The following DISC1 variants were observed in gnomAD, a reference collection of about 807,000 sequenced individuals.
DISC1 encodes DISC1 scaffold protein.
DISC1 carries 57 observed loss-of-function variants against 84.5 expected under a neutral mutation model. That is an observed-to-expected ratio of 0.67 (90% CI 0.55 to 0.84). The LOEUF is 0.84. Ranked by LOEUF, DISC1 falls within the 40% of genes least tolerant of loss-of-function variation. The pLI is 0.00. For missense variants in DISC1, 1,000 were observed against 1,057.8 expected (o/e 0.95, Z 0.76); for synonymous variants, 411 against 415.2 (o/e 0.99, Z 0.12).
At chr1:231,748,327 A>G (rs1573491093) in intron 3 of DISC1, among the ~76,000 whole-genome samples, 1 of 152,328 alleles carries the variant, frequency 6.6e-6, no homozygotes, top group East Asian at 1.9e-4. Context: ...TTATTAGAGG[A>G]AAAGCTTTCA....
intron 1 of DISC1, among the ~76,000 whole-genome samples, chr1:231,645,000 A>C (rs1009051880): frequency 3.3e-5 from 5 of 151,906 alleles, no homozygotes; most frequent in Admixed American, 1.3e-4. Context: ...ATTTTCAGCC[A>C]CCAGCCTCTT....
rs997217863 is a variant in DISC1 at position 231,833,378 on chromosome 1, G to A, written c.1981+14861G>A. 7.9e-5 allele frequency among the ~76,000 whole-genome samples: 12 copies of A among 151,630 alleles called. 1 individual carries two copies. The highest frequency in any genetic ancestry group is 2.6e-4 in the Admixed American group (4 of 15,282). On this transcript the variant is annotated intron_variant, in intron 9 of 12. Coordinates refer to ENST00000439617, the MANE Select transcript of DISC1 (RefSeq NM_018662.3). ...GGGTAGCCTCCATATTGATTAAGAA[G>A]GGGAAGGACTTACCCTCCACTGTGA...
chr1:231,673,290 T>A (rs943473532), intron 1 of DISC1, among the ~76,000 whole-genome samples: 2 of 152,230 alleles, frequency 1.3e-5, no homozygotes, highest in African/African-American at 4.8e-5. Flanking sequence ...TCACTCAGCA[T>A]CCTTTCCTTG....
chr1:231,889,748 T>C (rs1438528740), intron 9 of DISC1, among the ~76,000 whole-genome samples: 1 of 152,160 alleles, frequency 6.6e-6, no homozygotes, highest in Non-Finnish European at 1.5e-5. Context: ...CCCTCTTTTT[T>C]TTTCATCTTC....
intron 1 of DISC1, among the ~76,000 whole-genome samples, chr1:231,637,468 T>C (rs370213726): frequency 1.1e-4 from 16 of 152,230 alleles, no homozygotes; most frequent in African/African-American, 3.6e-4. Context: ...ATTGTACCCA[T>C]TGAGTAATTT....
At chr1:231,647,969 T>C (rs1336524705) in intron 1 of DISC1, among the ~76,000 whole-genome samples, 3 of 152,214 alleles carry the variant, frequency 2.0e-5, no homozygotes, top group African/African-American at 4.8e-5. Context: ...GCTGAGATGA[T>C]GGGGTTTTCT....
rs1293015928 is a variant in DISC1 at position 231,686,468 on chromosome 1, G to T, written c.68-7358G>T. 2.0e-5 allele frequency among the ~76,000 whole-genome samples: 3 copies of T among 152,176 alleles called. No individual in the cohort carries two copies. In the East Asian group the frequency reaches 5.8e-4, roughly 29 times the overall value. On this transcript the variant is annotated intron_variant, in intron 1 of 12. Transcript: ENST00000439617. ...AGGGCTTGGACCCTCTGAAGCCACGGCCCGAGCTCTATGTTGGCCCCTTTC... is the reference window on the plus strand; with the variant it reads ...AGGGCTTGGACCCTCTGAAGCCACGTCCCGAGCTCTATGTTGGCCCCTTTC...
At chr1:231,827,637 AAG>A (rs751594770) in intron 9 of DISC1, among the ~76,000 whole-genome samples, 4 of 152,172 alleles carry the variant, frequency 2.6e-5, no homozygotes, top group Non-Finnish European at 5.9e-5. Context: ...GCTCTTATAA[AAG>A]AGAGAGAGCA....
chr1:232,026,852 G>A (rs186458905), intron 12 of DISC1, among the ~76,000 whole-genome samples: 457 of 145,284 alleles, frequency 3.1e-3, no homozygotes, highest in Non-Finnish European at 4.3e-3. Context: ...GGGTTCAAAC[G>A]GTTCTCCTGC....
At chr1:231,632,806 C>T (rs1372124820) in intron 1 of DISC1, among the ~76,000 whole-genome samples, 2 of 152,144 alleles carry the variant, frequency 1.3e-5, no homozygotes, top group Non-Finnish European at 1.5e-5. Context: ...CGCAGTGGCT[C>T]ATGCCTGTAA....
At chr1:231,888,013 G>A (rs1300545894) in intron 9 of DISC1, among the ~76,000 whole-genome samples, 2 of 152,340 alleles carry the variant, frequency 1.3e-5, no homozygotes, top group East Asian at 1.9e-4. Flanking sequence ...AGTTCCAGAA[G>A]AATGCCCACA....
chr1:231,977,757 C>T (rs535521911), intron 10 of DISC1, among the ~76,000 whole-genome samples: 1 of 152,250 alleles, frequency 6.6e-6, no homozygotes, highest in South Asian at 2.1e-4. Flanking sequence ...TTTATTTAAT[C>T]CATAAATATG....
chr1:232,009,479 A>G lies in DISC1; in HGVS notation c.2307+430A>G. ...ATGTTTATATATTTAGAATCTATAT[A>G]TTACAATATATTATTATTTATTTGA... On this transcript the variant is annotated intron_variant, in intron 11 of 12. Transcript: ENST00000439617. This position sits in a 1 kb window ranked among gnomAD's most constrained non-coding sequence, Gnocchi z 4.6. 1 of 630,616 alleles carries G rather than the reference A, an allele frequency of 1.6e-6. No homozygotes were observed. Among genetic ancestry groups the G allele is most frequent in the Non-Finnish European group, 2.0e-6 (1 of 507,306 alleles). 39.1% of individuals were successfully genotyped at this position (630,616 alleles called of 1,614,324 possible).
chr1:231,773,675 C>T (rs771028877), intron 6 of DISC1, among the ~76,000 whole-genome samples: 47 of 152,248 alleles, frequency 3.1e-4, no homozygotes, highest in African/African-American at 5.1e-4. Flanking sequence ...TGAGCCACTG[C>T]GCCCAGCCAA....
intron 9 of DISC1, among the ~76,000 whole-genome samples, chr1:231,935,323 G>A (rs1402942963): frequency 6.6e-6 from 1 of 152,204 alleles, no homozygotes; most frequent in East Asian, 1.9e-4. Flanking sequence ...AAGATTGGGT[G>A]TTGGGGGCGT....
chr1:231,763,310 A>G (rs2075919261), intron 4 of DISC1, among the ~76,000 whole-genome samples: 1 of 152,212 alleles, frequency 6.6e-6, no homozygotes, highest in South Asian at 2.1e-4. Flanking sequence ...TAGGTCTGTA[A>G]TGAGAAGCGA....
intron 9 of DISC1, among the ~76,000 whole-genome samples, chr1:231,940,561 T>C (rs547618972): frequency 6.6e-6 from 1 of 152,280 alleles, no homozygotes; most frequent in Non-Finnish European, 1.5e-5. Flanking sequence ...ATGAAAGGCA[T>C]AGAAAATTGG....
chr1:231,793,172 A>AT, intron 6 of DISC1, among the ~76,000 whole-genome samples: 1 of 152,278 alleles, frequency 6.6e-6, no homozygotes, highest in African/African-American at 2.4e-5. Context: ...AAATCAGCAA[A>AT]TTGGCAGCTT....
intron 1 of DISC1, among the ~76,000 whole-genome samples, chr1:231,661,641 C>T (rs886376744): frequency 7.2e-5 from 11 of 152,152 alleles, no homozygotes; most frequent in Non-Finnish European, 1.6e-4. Context: ...CTATCAGCTT[C>T]TGTATTGTTT....
Sources: gnomAD v4.1 joint callset for allele counts (sites outside exome capture counted in the v4.1 genomes callset) on GRCh38, gnomAD v4.1.1 for gene constraint, Gnocchi (gnomAD v3.1) non-coding constraint, MANE v1.5 for transcripts, NCBI Gene and HGNC (gene_info 2026-07-23, HGNC 2026-07-21) for gene names.